Variants in PPFIA1 observed in about 807,000 individuals in gnomAD.
The protein encoded by PPFIA1 is PPFI scaffold protein A1.
In PPFIA1, 25 loss-of-function variants were observed where a neutral mutation model predicts 149.9. The ratio of observed to expected loss-of-function variants is 0.17; its 90% CI spans 0.12 to 0.23. PPFIA1 has a LOEUF of 0.23. PPFIA1 is among the 10% of genes least tolerant of loss of function. The pLI is 1.00. For synonymous variants in PPFIA1, 549 were observed against 552.8 expected (o/e 0.99, Z 0.10); for missense variants, 1,362 against 1,506.5 (o/e 0.90, Z 1.59).
chr11:70,366,370 A>T (rs2056936791), intron 21 of PPFIA1, among the ~76,000 whole-genome samples: 1 of 152,186 alleles, frequency 6.6e-6, no homozygotes, highest in Admixed American at 6.5e-5. Flanking sequence ...TGGCATAATG[A>T]CTTTTCCTCT....
intron 9 of PPFIA1, among the ~76,000 whole-genome samples, chr11:70,332,433 G>A (rs1377308746): frequency 3.9e-5 from 6 of 152,080 alleles, no homozygotes; most frequent in Non-Finnish European, 8.8e-5. Context: ...GAAATAGGAA[G>A]ATGCCGTTCT....
chr11:70,280,626 C>T (rs949202799), intron 2 of PPFIA1, among the ~76,000 whole-genome samples: 6 of 152,132 alleles, frequency 3.9e-5, no homozygotes, highest in Non-Finnish European at 7.4e-5. Context: ...TGCAGTGGCG[C>T]GCGTGATCAC....
At chr11:70,294,546 C>CTTT (rs11415921) in intron 2 of PPFIA1, among the ~76,000 whole-genome samples, 1 of 144,024 alleles carries the variant, frequency 6.9e-6, no homozygotes, top group Non-Finnish European at 1.5e-5. Context: ...AATTTTCTTT[C>CTTT]TTTTTTTTTT....
chr11:70,355,518 C>G, intron 17 of PPFIA1, 121 bp from the exon 18 acceptor site: 1 of 952,796 alleles, frequency 1.0e-6, no homozygotes, highest in South Asian at 1.8e-5. Flanking sequence ...ATGCATGATG[C>G]ACTTGGTGAG....
chr11:70,277,003 CTTT>C (rs571511222), intron 2 of PPFIA1, among the ~76,000 whole-genome samples: 8 of 87,396 alleles, frequency 9.2e-5, no homozygotes, highest in African/African-American at 4.1e-4. Flanking sequence ...TTAATTTCTA[CTTT>C]TTTTTTTTTG....
intron 2 of PPFIA1, among the ~76,000 whole-genome samples, chr11:70,281,974 C>G (rs1167512220): frequency 6.6e-6 from 1 of 151,972 alleles, no homozygotes; most frequent in African/African-American, 2.4e-5. Flanking sequence ...CATTGGTTAT[C>G]ATTACTTGAT....
At chr11:70,352,357 C>T (rs941349491) in intron 16 of PPFIA1, among the ~76,000 whole-genome samples, 2 of 152,226 alleles carry the variant, frequency 1.3e-5, no homozygotes, top group Non-Finnish European at 2.9e-5. Context: ...CAACAAGACA[C>T]AGAGCACGGC....
intron 2 of PPFIA1, among the ~76,000 whole-genome samples, chr11:70,322,623 T>G (rs1327299625): frequency 6.6e-6 from 1 of 152,250 alleles, no homozygotes; most frequent in Admixed American, 6.5e-5. Context: ...AAGTATGCAC[T>G]GAAATACTGA....
intron 9 of PPFIA1, 28 bp downstream of exon 9, chr11:70,332,122 G>C (rs557914953): frequency 6.4e-7 from 1 of 1,562,156 alleles, no homozygotes; most frequent in East Asian, 2.3e-5. Flanking sequence ...ATTCTGGTTC[G>C]GCTGCCAGGC....
intron 2 of PPFIA1, among the ~76,000 whole-genome samples, chr11:70,279,905 A>ATGTGTGTGTTTGTGTGTGTGTGTGTG: frequency 1.4e-5 from 2 of 144,974 alleles, no homozygotes; most frequent in South Asian, 4.4e-4. Context: ...TGTGTGGGGG[A>ATGTGTGTGTTTGTGTGTGTGTGTGTG]TGTGTGTGTG....
intron 2 of PPFIA1, among the ~76,000 whole-genome samples, chr11:70,296,550 T>C (rs2052037809): frequency 6.6e-6 from 1 of 151,672 alleles, no homozygotes; most frequent in African/African-American, 2.4e-5. Flanking sequence ...GGCGTGGCGG[T>C]GCGCGCCTGC....
chr11:70,337,444 T>C lies in PPFIA1; in HGVS notation c.1491+17T>C. 1 of 1,564,214 alleles carries C rather than the reference T, an allele frequency of 6.4e-7. No homozygotes were observed. Among genetic ancestry groups the C allele is most frequent in the Non-Finnish European group, 8.7e-7 (1 of 1,148,194 alleles). On this transcript the variant is annotated intron_variant, in intron 12 of 27. Coordinates refer to ENST00000253925, the MANE Select transcript of PPFIA1 (RefSeq NM_003626.5). Reference sequence around the variant, plus strand: ...CACGATAAGGTACTGAAATCTTCTCTAAATCCATGAAGAGCCAAGTTGAAC... The same window carrying C: ...CACGATAAGGTACTGAAATCTTCTCCAAATCCATGAAGAGCCAAGTTGAAC...
In PPFIA1 at chr11:70,333,529, G is replaced by A. The variant is rs1420733683; in HGVS notation, c.1272G>A (p.Glu424=). 1.2e-5 allele frequency: 19 copies of A among 1,612,758 alleles called. No homozygotes were observed. The highest frequency in any genetic ancestry group is 1.6e-5 in the Non-Finnish European group (19 of 1,179,472). The change falls in exon 10 of 28, where the codon GAG becomes GAA. Residue 424 remains glutamate, a synonymous_variant. Transcript: ENST00000253925. Reference sequence around the variant, plus strand: ...TACGACAGATGGAAGCACAGTTGGAGGAGAAGAATCAAGAACTGCAGCGGG... The same window carrying A: ...TACGACAGATGGAAGCACAGTTGGAAGAGAAGAATCAAGAACTGCAGCGGG... ...ERLRQMEAQL[E]EKNQELQRAR...
chr11:70,375,819 T>A (rs1471755661), intron 24 of PPFIA1, among the ~76,000 whole-genome samples: 1 of 146,272 alleles, frequency 6.8e-6, no homozygotes. Flanking sequence ...AAAAAAAAAA[T>A]TGAATATCTT....
chr11:70,323,134 C>T (rs1035764483), intron 2 of PPFIA1, among the ~76,000 whole-genome samples: 1 of 152,198 alleles, frequency 6.6e-6, no homozygotes, highest in African/African-American at 2.4e-5. Flanking sequence ...CCAGGCTGTG[C>T]CTCCATTAAA....
At chr11:70,365,528 G>GT in intron 21 of PPFIA1, 2 of 434,988 alleles carry the variant, frequency 4.6e-6, no homozygotes, top group Non-Finnish European at 9.3e-6. Flanking sequence ...ACAAAATGTT[G>GT]TTTTCCATTC....
At chr11:70,374,686 T>C in intron 23 of PPFIA1, 2 of 474,296 alleles carry the variant, frequency 4.2e-6, no homozygotes, top group East Asian at 3.8e-5. Flanking sequence ...CCTCTCGTGC[T>C]CACTGGAAGG....
chr11:70,375,151 A>C, intron 24 of PPFIA1, 58 bp downstream of exon 24: 1 of 969,890 alleles, frequency 1.0e-6, no homozygotes. Context: ...CTGATTATAG[A>C]CAGCTAGTTA....
At chr11:70,318,685 C>CCA (rs562639163) in intron 2 of PPFIA1, among the ~76,000 whole-genome samples, 70 of 152,372 alleles carry the variant, frequency 4.6e-4, no homozygotes, top group Admixed American at 1.5e-3. Context: ...TTTTGACCCG[C>CCA]CACTGCAGCA....
Sources: allele counts gnomAD v4.1 joint callset (sites outside exome capture counted in the v4.1 genomes callset), GRCh38; gene constraint gnomAD v4.1.1; transcripts MANE v1.5; gene names NCBI Gene and HGNC (gene_info 2026-07-23, HGNC 2026-07-21).